Variants in NKAIN2 observed in about 807,000 individuals in gnomAD.
NKAIN2 encodes sodium/potassium transporting ATPase interacting 2.
Under a neutral mutation model 32.6 loss-of-function variants are expected in NKAIN2, and 14 were observed. The ratio of observed to expected loss-of-function variants is 0.43; its 90% CI spans 0.28 to 0.67. The LOEUF (loss-of-function observed/expected upper bound fraction) is 0.67. Among genes scored for constraint, NKAIN2 ranks in the 30% least tolerant of loss-of-function variants. The pLI is 0.17. For synonymous variants in NKAIN2, 80 were observed against 87.2 expected (o/e 0.92, Z 0.46); for missense variants, 198 against 258.3 (o/e 0.77, Z 1.60).
chr6:124,199,717 C>T (rs1790510408), intron 1 of NKAIN2, among the ~76,000 whole-genome samples: 1 of 152,082 alleles, frequency 6.6e-6, no homozygotes, highest in Admixed American at 6.6e-5. Flanking sequence ...CTGGATGTAT[C>T]ATTTTGAATG....
intron 3 of NKAIN2, among the ~76,000 whole-genome samples, chr6:124,386,529 C>A (rs9385330): frequency 0.83 from 126,948 of 152,124 alleles, 53,043 homozygotes; most frequent in South Asian, 0.87. Flanking sequence ...ATCTTCATTC[C>A]ACTTGTTTAT....
rs150804919 is a variant in NKAIN2 at position 124,093,891 on chromosome 6, A to G, written c.55-189114A>G. Among the ~76,000 whole-genome samples the G allele has an allele frequency of 2.0e-5, 3 of 152,228 alleles. No homozygotes were observed. In the East Asian group the frequency reaches 5.8e-4, roughly 29 times the overall value. Reference sequence around the variant, plus strand: ...CTAAAGGTTGTTGTTAGCATCATCCATTTTCTTCAGATTTTTCTTGTCTAA... The same window carrying G: ...CTAAAGGTTGTTGTTAGCATCATCCGTTTTCTTCAGATTTTTCTTGTCTAA... On this transcript the variant is annotated intron_variant, in intron 1 of 6. Coordinates refer to ENST00000368417, the MANE Select transcript of NKAIN2 (RefSeq NM_001040214.3).
intron 3 of NKAIN2, among the ~76,000 whole-genome samples, chr6:124,504,955 G>A (rs913339239): frequency 4.6e-5 from 7 of 152,152 alleles, no homozygotes; most frequent in African/African-American, 1.4e-4. Context: ...ACATTCTTGT[G>A]TATTCTTCGT....
At chr6:124,667,137 A>T (rs1772839477) in intron 4 of NKAIN2, among the ~76,000 whole-genome samples, 1 of 152,154 alleles carries the variant, frequency 6.6e-6, no homozygotes, top group Non-Finnish European at 1.5e-5. Context: ...ATTTTATCCC[A>T]TATCAACCAT....
chr6:124,434,048 A>G (rs1775334487), intron 3 of NKAIN2, among the ~76,000 whole-genome samples: 1 of 152,162 alleles, frequency 6.6e-6, no homozygotes, highest in African/African-American at 2.4e-5. Flanking sequence ...ATGCAGTGGC[A>G]GTGAGCGTAT....
At chr6:124,408,054 T>A (rs1381510729) in intron 3 of NKAIN2, among the ~76,000 whole-genome samples, 1 of 152,212 alleles carries the variant, frequency 6.6e-6, no homozygotes, top group Non-Finnish European at 1.5e-5. Flanking sequence ...TTTGTTTTTT[T>A]CTTGTAAATT....
intron 3 of NKAIN2, among the ~76,000 whole-genome samples, chr6:124,554,027 A>T (rs969953945): frequency 1.7e-4 from 26 of 152,244 alleles, no homozygotes; most frequent in African/African-American, 6.3e-4. Flanking sequence ...TGTTATTATC[A>T]TAAACCAGAA....
intron 4 of NKAIN2, among the ~76,000 whole-genome samples, chr6:124,726,385 A>T (rs1258726545): frequency 6.6e-6 from 1 of 151,916 alleles, no homozygotes; most frequent in Non-Finnish European, 1.5e-5. Flanking sequence ...TGCCTCCTCA[A>T]GTGGGTCCCT....
At chr6:123,874,262 T>C (rs576267811) in intron 1 of NKAIN2, among the ~76,000 whole-genome samples, 1 of 152,348 alleles carries the variant, frequency 6.6e-6, no homozygotes, top group East Asian at 1.9e-4. Flanking sequence ...TCCTAAATTC[T>C]GGTTTGTGAC....
intron 1 of NKAIN2, among the ~76,000 whole-genome samples, chr6:124,037,557 C>T (rs1182615098): frequency 6.6e-6 from 1 of 151,960 alleles, no homozygotes; most frequent in Non-Finnish European, 1.5e-5. Flanking sequence ...AAATTAAATT[C>T]GGTCATGGAA....
At chr6:124,234,561 G>A (rs1325786971) in intron 1 of NKAIN2, among the ~76,000 whole-genome samples, 3 of 151,940 alleles carry the variant, frequency 2.0e-5, no homozygotes, top group Admixed American at 1.3e-4. Context: ...GCCCATCATG[G>A]TCCTAGGATT....
At chr6:124,395,368 T>G (rs1054008512) in intron 3 of NKAIN2, among the ~76,000 whole-genome samples, 1 of 152,184 alleles carries the variant, frequency 6.6e-6, no homozygotes, top group African/African-American at 2.4e-5. Context: ...TCCTGTTATT[T>G]CATTTACCAA....
At chr6:123,983,862 A>G (rs918560002) in intron 1 of NKAIN2, among the ~76,000 whole-genome samples, 1 of 152,260 alleles carries the variant, frequency 6.6e-6, no homozygotes, top group African/African-American at 2.4e-5. Context: ...ATTTGCTGCT[A>G]GTAAGAAATA....
At chr6:124,765,968 T>C (rs1310616867) in intron 4 of NKAIN2, among the ~76,000 whole-genome samples, 2 of 152,220 alleles carry the variant, frequency 1.3e-5, no homozygotes, top group South Asian at 2.1e-4. Context: ...CTGCTACACA[T>C]CTAAAACAAA....
At chr6:124,204,893 C>T (rs1054978640) in intron 1 of NKAIN2, among the ~76,000 whole-genome samples, 7 of 151,268 alleles carry the variant, frequency 4.6e-5, no homozygotes, top group African/African-American at 1.7e-4. Flanking sequence ...TCCTAAATAA[C>T]TTTAGGAAAT....
chr6:123,864,206 A>G (rs908855324), intron 1 of NKAIN2, among the ~76,000 whole-genome samples: 28 of 152,182 alleles, frequency 1.8e-4, no homozygotes, highest in Non-Finnish European at 7.4e-5. Flanking sequence ...TAAACATTGT[A>G]AGAAGTAGTT....
intron 3 of NKAIN2, among the ~76,000 whole-genome samples, chr6:124,494,392 C>T (rs573653273): frequency 6.6e-6 from 1 of 151,954 alleles, no homozygotes; most frequent in Admixed American, 6.6e-5. Context: ...TAAAGATAAG[C>T]GGCAGTATTT....
chr6:124,147,183 C>A (rs1357760794), intron 1 of NKAIN2, among the ~76,000 whole-genome samples: 1 of 152,146 alleles, frequency 6.6e-6, no homozygotes, highest in Non-Finnish European at 1.5e-5. Context: ...ATGCTGCGGA[C>A]TTTTAGAAAA....
chr6:124,082,212 A>G (rs949565854), intron 1 of NKAIN2, among the ~76,000 whole-genome samples: 1 of 152,098 alleles, frequency 6.6e-6, no homozygotes, highest in Admixed American at 6.6e-5. Context: ...ACTGCATCTG[A>G]TGTTAGTAGT....
Sources: allele counts gnomAD v4.1 joint callset (sites outside exome capture counted in the v4.1 genomes callset), GRCh38; gene constraint gnomAD v4.1.1; transcripts MANE v1.5; gene names NCBI Gene and HGNC (gene_info 2026-07-23, HGNC 2026-07-21).